The following MGAT5 variants were observed in gnomAD, a reference collection of about 807,000 sequenced individuals.
The protein encoded by MGAT5 is alpha-1,6-mannosylglycoprotein 6-beta-N-acetylglucosaminyltransferase A.
Under a neutral mutation model 94.3 loss-of-function variants are expected in MGAT5, and 30 were observed. The observed-to-expected ratio is 0.32, with a 90% CI of 0.24 to 0.43. MGAT5 has a LOEUF of 0.43. MGAT5 is among the 20% of genes least tolerant of loss of function. MGAT5 has a pLI of 1.00. For missense variants in MGAT5, 691 were observed against 905.5 expected (o/e 0.76, Z 3.04); for synonymous variants, 310 against 322.9 (o/e 0.96, Z 0.43).
At chr2:134,246,043 C>T (rs185271933) in intron 1 of MGAT5, among the ~76,000 whole-genome samples, 141 of 152,050 alleles carry the variant, frequency 9.3e-4, no homozygotes, top group Admixed American at 1.5e-3. Flanking sequence ...AAGAGTATTC[C>T]CAAGATAGCA....
At chr2:134,284,490 C>G (rs1052984705) in intron 2 of MGAT5, among the ~76,000 whole-genome samples, 2 of 151,946 alleles carry the variant, frequency 1.3e-5, no homozygotes, top group African/African-American at 4.8e-5. Flanking sequence ...CAACCCCTGG[C>G]CTAAATGAAT....
chr2:134,375,237 G>A (rs77695075), intron 10 of MGAT5, among the ~76,000 whole-genome samples: 139 of 152,272 alleles, frequency 9.1e-4, no homozygotes, highest in African/African-American at 2.4e-3. Flanking sequence ...AGAGGTAAAG[G>A]TTCCTCAGGT....
At chr2:134,407,407 T>C (rs1304415304) in intron 11 of MGAT5, among the ~76,000 whole-genome samples, 1 of 152,182 alleles carries the variant, frequency 6.6e-6, no homozygotes, top group African/African-American at 2.4e-5. Flanking sequence ...CTCCCCCTTA[T>C]CTACACATGT....
At position 134,454,485 on chromosome 2, in the gene MGAT5, T is replaced by TAAGTA. The variant is rs1376995725; in HGVS notation, c.*5640_*5644dup. The TAAGTA allele has an allele frequency of 5.3e-5, 8 of 152,206 alleles. 1 individual carries two copies. The highest frequency in any genetic ancestry group is 8.8e-5 in the Non-Finnish European group (6 of 68,026). The allele number at this position is 152,206 out of a possible 1,614,324, so 9.4% of individuals were successfully genotyped here. On this transcript the variant is annotated 3_prime_UTR_variant, in exon 16 of 16. Coordinates refer to ENST00000281923, the MANE Select transcript of MGAT5 (RefSeq NM_002410.5). ...ATTTTGTGTGATTCACTTCGGGGGT[T>TAAGTA]AAGTAATGCAGGATTCTGCAAACAA...
Position 134,183,659 on chromosome 2 carries a change from T to C in MGAT5, c.-143+63368T>C, listed in dbSNP as rs145147099. On this transcript the variant is annotated intron_variant, in intron 1 of 16. Coordinates refer to the MGAT5 transcript ENST00000409645. ...TGCCATGGGGAAATGGAGCACTCAG[T>C]TTGAAGGCCCTTTGTAATGTGGAAC... Among the ~76,000 whole-genome samples, 1,157 of 152,314 alleles carry C rather than the reference T, an allele frequency of 7.6e-3. 19 individuals are homozygous for C. The highest frequency in any genetic ancestry group is 0.027 in the African/African-American group (1,108 of 41,556).
At chr2:134,330,587 C>T (rs1401433899) in intron 4 of MGAT5, among the ~76,000 whole-genome samples, 6 of 72,416 alleles carry the variant, frequency 8.3e-5, no homozygotes, top group South Asian at 4.2e-4. Context: ...GTGTGTGTTA[C>T]GAAGCCCAAC....
At chr2:134,273,134 G>C (rs371358936) in intron 2 of MGAT5, among the ~76,000 whole-genome samples, 19 of 152,262 alleles carry the variant, frequency 1.2e-4, no homozygotes, top group African/African-American at 3.9e-4. Context: ...CAGAAGGTGG[G>C]GGGGGGTCCT....
At chr2:134,316,710 A>G (rs1016271830) in intron 2 of MGAT5, among the ~76,000 whole-genome samples, 10 of 152,142 alleles carry the variant, frequency 6.6e-5, no homozygotes, top group Non-Finnish European at 1.2e-4. Context: ...TTATAGCTAG[A>G]CAGGAGGAAT....
chr2:134,335,038 T>G (rs1344094199), intron 4 of MGAT5, among the ~76,000 whole-genome samples: 1 of 152,186 alleles, frequency 6.6e-6, no homozygotes, highest in African/African-American at 2.4e-5. Flanking sequence ...TTTGGGATCA[T>G]CTGCAGTGGC....
At chr2:134,215,809 A>G (rs1053369147) in intron 1 of MGAT5, among the ~76,000 whole-genome samples, 7 of 152,222 alleles carry the variant, frequency 4.6e-5, no homozygotes, top group African/African-American at 9.6e-5. Context: ...AGTTGTATCA[A>G]TATATAATTG....
chr2:134,154,760 C>A (rs1639551921), intron 1 of MGAT5, among the ~76,000 whole-genome samples: 1 of 152,182 alleles, frequency 6.6e-6, no homozygotes, highest in South Asian at 2.1e-4. Flanking sequence ...GACAACTGTG[C>A]TGTCTGACTC....
intron 2 of MGAT5, among the ~76,000 whole-genome samples, chr2:134,277,286 T>A (rs1405172959): frequency 6.6e-6 from 1 of 152,100 alleles, no homozygotes; most frequent in African/African-American, 2.4e-5. Flanking sequence ...TTAGTCCATT[T>A]TTACAGTGCT....
At chr2:134,328,039 A>C (rs901344914) in intron 4 of MGAT5, among the ~76,000 whole-genome samples, 7 of 152,072 alleles carry the variant, frequency 4.6e-5, no homozygotes, top group Non-Finnish European at 8.8e-5. Flanking sequence ...ATCTCTATGC[A>C]TTATCTGTTT....
intron 1 of MGAT5, among the ~76,000 whole-genome samples, chr2:134,201,914 A>T (rs1411971526): frequency 6.8e-6 from 1 of 146,666 alleles, no homozygotes. Context: ...CCATGCTAAT[A>T]TGTAGTTTGC....
intron 1 of MGAT5, among the ~76,000 whole-genome samples, chr2:134,182,784 T>G (rs961245358): frequency 2.1e-5 from 3 of 140,020 alleles, no homozygotes; most frequent in Non-Finnish European, 3.1e-5. Flanking sequence ...AGATTAGTTT[T>G]TTTTTTTTTT....
chr2:134,198,276 G>A (rs1285675099), intron 1 of MGAT5, among the ~76,000 whole-genome samples: 1 of 152,168 alleles, frequency 6.6e-6, no homozygotes, highest in African/African-American at 2.4e-5. Context: ...GCCATCATAG[G>A]CAACCCATGT....
intron 10 of MGAT5, among the ~76,000 whole-genome samples, chr2:134,398,748 A>AC (rs1682860382): frequency 6.6e-6 from 1 of 151,994 alleles, no homozygotes; most frequent in South Asian, 2.1e-4. Context: ...GCCATTTAAA[A>AC]AAATGGCAGT....
intron 1 of MGAT5, among the ~76,000 whole-genome samples, chr2:134,207,051 G>A (rs1234858031): frequency 6.6e-6 from 1 of 152,204 alleles, no homozygotes; most frequent in African/African-American, 2.4e-5. Context: ...GTGTCAGCAG[G>A]ACTGTGTTCC....
intron 12 of MGAT5, among the ~76,000 whole-genome samples, chr2:134,418,149 T>G (rs1028953291): frequency 6.6e-6 from 1 of 152,210 alleles, no homozygotes; most frequent in South Asian, 2.1e-4. Flanking sequence ...GTGAATGATG[T>G]AATGTTACAT....
Sources: allele counts gnomAD v4.1 joint callset (sites outside exome capture counted in the v4.1 genomes callset), GRCh38; gene constraint gnomAD v4.1.1; transcripts MANE v1.5; gene names NCBI Gene and HGNC (gene_info 2026-07-23, HGNC 2026-07-21).